The following PMFBP1 variants were observed in gnomAD, a reference collection of about 807,000 sequenced individuals.
PMFBP1 encodes the protein polyamine-modulated factor 1-binding protein 1.
Under a neutral mutation model 137.8 loss-of-function variants are expected in PMFBP1, and 131 were observed. The ratio of observed to expected loss-of-function variants is 0.95; its 90% CI spans 0.82 to 1.10. The LOEUF is 1.10. PMFBP1 is among the 50% of genes least tolerant of loss of function. The pLI is 0.00. For synonymous variants in PMFBP1, 490 were observed against 450.4 expected, an observed-to-expected ratio of 1.09 and a Z score of -1.11; for missense variants, 1,199 against 1,175.4, an observed-to-expected ratio of 1.02 and a Z score of -0.29.
Position 72,130,669 on chromosome 16 carries a change from C to G in PMFBP1, c.1501G>C (p.Glu501Gln). ...TTCTGCAGTTTCCTCTGGGTGTCCT[C>G]CAGGTGACAGCCTGCCAGTGCAGCC... ...EEAALAGCHL[E>Q]DTQRKLQKGL... Residue 501 changes from glutamate to glutamine, a missense_variant, in exon 11 of 21, where the codon GAG becomes CAG. Glu to Gln is a conservative substitution (Grantham distance 29). Transcript: ENST00000237353. The G allele has an allele frequency of 6.2e-7, 1 of 1,613,872 alleles. No homozygotes were observed. The highest frequency in any genetic ancestry group is 8.5e-7 in the Non-Finnish European group (1 of 1,179,994).
chr16:72,139,054 G>C (rs2042675771), intron 7 of PMFBP1, among the ~76,000 whole-genome samples: 1 of 152,152 alleles, frequency 6.6e-6, no homozygotes. Flanking sequence ...TCTTGTTTAG[G>C]TGTACTGTTA....
At chr16:72,243,337 C>T in the PMFBP1 span, among the ~76,000 whole-genome samples, 1 of 152,212 alleles carries the variant, frequency 6.6e-6, no homozygotes, top group Non-Finnish European at 1.5e-5. Context: ...GTGGATGCTG[C>T]AGCACTTTGG....
chr16:72,190,440 G>T, the PMFBP1 span, among the ~76,000 whole-genome samples: 19 of 152,340 alleles, frequency 1.2e-4, no homozygotes, highest in Admixed American at 7.2e-4. Context: ...TGACCTCAGT[G>T]AACACAGGGT....
the PMFBP1 span, among the ~76,000 whole-genome samples, chr16:72,227,538 TA>T: frequency 6.6e-6 from 1 of 152,200 alleles, no homozygotes; most frequent in African/African-American, 2.4e-5. Flanking sequence ...GTACTTGAAT[TA>T]AAAAAATTGA....
the PMFBP1 span, among the ~76,000 whole-genome samples, chr16:72,207,051 TG>T: frequency 4.8e-5 from 7 of 145,160 alleles, no homozygotes; most frequent in Admixed American, 4.8e-4. Flanking sequence ...GTGGGTCAGA[TG>T]GTAGAGAGGC....
intron 12 of PMFBP1, among the ~76,000 whole-genome samples, 153 bp from the exon 13 acceptor site, chr16:72,129,386 C>A (rs926554538): frequency 1.2e-4 from 18 of 152,224 alleles, no homozygotes; most frequent in African/African-American, 4.1e-4. Flanking sequence ...TTTCCTCCAA[C>A]GCCTGTAACA....
chr16:72,173,056 A>G (rs7192848), upstream of PMFBP1, among the ~76,000 whole-genome samples: 77,861 of 152,122 alleles, frequency 0.51, 21,028 homozygotes, highest in African/African-American at 0.69. Context: ...ACTAAACAGG[A>G]TTCTAGGCCA....
At chr16:72,238,882 C>T in the PMFBP1 span, among the ~76,000 whole-genome samples, 1 of 152,074 alleles carries the variant, frequency 6.6e-6, no homozygotes, top group Non-Finnish European at 1.5e-5. Context: ...TTACTGACAT[C>T]TAGTGGGTAG....
At chr16:72,166,991 A>T (rs997754137) in intron 2 of PMFBP1, among the ~76,000 whole-genome samples, 23 of 152,248 alleles carry the variant, frequency 1.5e-4, no homozygotes, top group African/African-American at 5.5e-4. Context: ...CCAGGAGAGC[A>T]CATTCCTCCT....
At chr16:72,194,302 C>G in the PMFBP1 span, among the ~76,000 whole-genome samples, 1 of 152,118 alleles carries the variant, frequency 6.6e-6, no homozygotes, top group Non-Finnish European at 1.5e-5. Flanking sequence ...TGCAGCTGCT[C>G]TTATCTTTCC....
At chr16:72,158,682 T>G (rs1169425831) in intron 3 of PMFBP1, among the ~76,000 whole-genome samples, 2 of 152,156 alleles carry the variant, frequency 1.3e-5, no homozygotes, top group East Asian at 1.9e-4. Context: ...AAGGGCTTAT[T>G]TTAGTATAAA....
At chr16:72,208,077 C>A in the PMFBP1 span, among the ~76,000 whole-genome samples, 77 of 152,184 alleles carry the variant, frequency 5.1e-4, 2 homozygotes, top group Admixed American at 1.3e-4. Flanking sequence ...GGGTGAGACC[C>A]ACTCACATTA....
chr16:72,168,007 G>A (rs997534943), intron 2 of PMFBP1, among the ~76,000 whole-genome samples: 1 of 152,230 alleles, frequency 6.6e-6, no homozygotes, highest in Non-Finnish European at 1.5e-5. Context: ...TGCACCACCA[G>A]AAGTTCAGAA....
upstream of PMFBP1, among the ~76,000 whole-genome samples, chr16:72,176,176 T>C (rs1044725094): frequency 1.3e-5 from 2 of 152,156 alleles, no homozygotes; most frequent in African/African-American, 4.8e-5. Context: ...ACTGGAGTTC[T>C]TCTGGAGAGA....
chr16:72,232,617 G>C, the PMFBP1 span, among the ~76,000 whole-genome samples: 1 of 152,114 alleles, frequency 6.6e-6, no homozygotes, highest in African/African-American at 2.4e-5. Context: ...TCTCATTATA[G>C]CCAATGGTGA....
At chr16:72,237,910 T>C in the PMFBP1 span, among the ~76,000 whole-genome samples, 1 of 152,246 alleles carries the variant, frequency 6.6e-6, no homozygotes, top group Non-Finnish European at 1.5e-5. Context: ...TGGTTTTCTG[T>C]TCCTGTATTA....
At chr16:72,172,342 C>T (rs1028375896), upstream of PMFBP1, 1 of 151,384 alleles carries the variant, frequency 6.6e-6, no homozygotes, top group African/African-American at 2.4e-5. Context: ...GGCTTACGAC[C>T]GTGAAGGTTT....
rs770071136 is a variant in PMFBP1, at chr16:72,124,756, G to C, written c.2589+11C>G. 3.7e-5 allele frequency: 59 copies of C among 1,611,854 alleles called. 1 individual carries two copies. In the South Asian group the frequency reaches 6.1e-4, roughly 17 times the overall value. ...CTGAGAGGAGGCACGCAGAAGCCAA[G>C]GCATGCCCACCTCCTTATCGTCCTC... is the stretch of plus-strand genomic sequence containing the variant. On this transcript the variant is annotated intron_variant, in intron 17 of 20. Coordinates refer to ENST00000237353, the MANE Select transcript of PMFBP1 (RefSeq NM_031293.3).
intron 10 of PMFBP1, among the ~76,000 whole-genome samples, chr16:72,130,942 G>A (rs912879964): frequency 8.5e-5 from 13 of 152,122 alleles, no homozygotes; most frequent in African/African-American, 3.1e-4. Context: ...TAAACAAACT[G>A]GTAGAAATTT....
Sources: allele counts gnomAD v4.1 joint callset (sites outside exome capture counted in the v4.1 genomes callset), GRCh38; gene constraint gnomAD v4.1.1; transcripts MANE v1.5; gene names NCBI Gene and HGNC (gene_info 2026-07-23, HGNC 2026-07-21).